The following CMIP variants were observed in gnomAD, a reference collection of about 807,000 sequenced individuals.
CMIP encodes the protein c-Maf inducing protein.
CMIP carries 13 observed loss-of-function variants against 97.3 expected under a neutral mutation model. The observed-to-expected ratio is 0.13, with a 90% CI of 0.09 to 0.21. The LOEUF (loss-of-function observed/expected upper bound fraction) is 0.21, where lower values mean the gene tolerates loss of function less well. Among genes scored for constraint, CMIP ranks in the 10% least tolerant of loss-of-function variants. The probability of loss-of-function intolerance (pLI) is 1.00; values close to 1 mark genes in which losing one functional copy is unlikely to be tolerated. For synonymous variants in CMIP, 538 were observed against 436.3 expected (o/e 1.23, Z -2.91); for missense variants, 847 against 1,024.9 (o/e 0.83, Z 2.37).
intron 1 of CMIP, among the ~76,000 whole-genome samples, chr16:81,554,964 A>T (rs2090732639): frequency 6.6e-6 from 1 of 152,080 alleles, no homozygotes; most frequent in Non-Finnish European, 1.5e-5. Flanking sequence ...GCCCCCCAGA[A>T]GGGGGGGTTT....
chr16:81,577,034 C>A (rs1345895242), intron 1 of CMIP, among the ~76,000 whole-genome samples: 2 of 140,768 alleles, frequency 1.4e-5, no homozygotes, highest in East Asian at 2.0e-4. Context: ...ATCACCATCA[C>A]CATCATCACC....
chr16:81,548,931 C>A (rs1567572989), intron 1 of CMIP, among the ~76,000 whole-genome samples: 1 of 152,226 alleles, frequency 6.6e-6, no homozygotes, highest in Non-Finnish European at 1.5e-5. Flanking sequence ...CACATTGACT[C>A]CTTCATTCTC....
chr16:81,471,872 C>T (rs1907580516), intron 1 of CMIP, among the ~76,000 whole-genome samples: 1 of 152,182 alleles, frequency 6.6e-6, no homozygotes, highest in African/African-American at 2.4e-5. Flanking sequence ...GACTCACGTC[C>T]TGGACAAGAT....
chr16:81,523,660 A>G (rs1274964804), intron 1 of CMIP, among the ~76,000 whole-genome samples: 1 of 152,246 alleles, frequency 6.6e-6, no homozygotes, highest in Non-Finnish European at 1.5e-5. Flanking sequence ...ATGGTGGCCT[A>G]GAACGAAGTC....
At chr16:81,636,903 G>C (rs1429814213) in intron 3 of CMIP, among the ~76,000 whole-genome samples, 1 of 147,310 alleles carries the variant, frequency 6.8e-6, no homozygotes, top group Non-Finnish European at 1.5e-5. Flanking sequence ...TGTCAACATA[G>C]ATTATGCATG....
intron 1 of CMIP, among the ~76,000 whole-genome samples, chr16:81,465,427 G>A (rs56191096): frequency 0.16 from 24,298 of 152,156 alleles, 2,095 homozygotes; most frequent in Non-Finnish European, 0.2. Context: ...GATGCACCCC[G>A]TGTCTGACGC....
At chr16:81,689,455 T>C (rs1164369515) in intron 10 of CMIP, among the ~76,000 whole-genome samples, 3 of 152,260 alleles carry the variant, frequency 2.0e-5, no homozygotes, top group Non-Finnish European at 2.9e-5. Flanking sequence ...ATAAATGTCT[T>C]CTTTTGAGAA....
intron 1 of CMIP, among the ~76,000 whole-genome samples, chr16:81,606,431 CA>C (rs1481521065): frequency 1.3e-5 from 2 of 152,158 alleles, no homozygotes; most frequent in Non-Finnish European, 2.9e-5. Flanking sequence ...TTCCTGGAGC[CA>C]AAGTGACAAG....
intron 1 of CMIP, among the ~76,000 whole-genome samples, chr16:81,524,888 G>A (rs1229390225): frequency 2.0e-5 from 3 of 151,458 alleles, no homozygotes; most frequent in African/African-American, 7.3e-5. Context: ...CCACCTCCCA[G>A]GTTCAAGTGA....
chr16:81,674,582 A>C (rs917249496), intron 9 of CMIP, among the ~76,000 whole-genome samples: 1 of 152,142 alleles, frequency 6.6e-6, no homozygotes, highest in Non-Finnish European at 1.5e-5. Flanking sequence ...TAAACACTGC[A>C]GATCAGGGCT....
At chr16:81,468,417 A>AATTG (rs969234395) in intron 1 of CMIP, among the ~76,000 whole-genome samples, 3 of 152,218 alleles carry the variant, frequency 2.0e-5, no homozygotes, top group African/African-American at 7.2e-5. Flanking sequence ...CTTGCGGGTA[A>AATTG]ATTGAGGGCA....
chr16:81,671,521 A>G (rs1380118213), intron 8 of CMIP, among the ~76,000 whole-genome samples: 1 of 152,226 alleles, frequency 6.6e-6, no homozygotes, highest in African/African-American at 2.4e-5. Context: ...AGGTGTTAGG[A>G]ATAATTAATT....
chr16:81,551,087 A>C (rs2090647315), intron 1 of CMIP, among the ~76,000 whole-genome samples: 1 of 143,336 alleles, frequency 7.0e-6, no homozygotes, highest in African/African-American at 2.7e-5. Context: ...GTCCCGTCAC[A>C]CGCACCCCAG....
intron 1 of CMIP, among the ~76,000 whole-genome samples, chr16:81,506,498 A>T (rs1225816415): frequency 6.6e-6 from 1 of 152,254 alleles, no homozygotes; most frequent in Admixed American, 6.5e-5. Context: ...TTGTGGAAAT[A>T]ACATTGGAAA....
At chr16:81,664,845 G>C in intron 7 of CMIP, 1 of 206,440 alleles carries the variant, frequency 4.8e-6, no homozygotes, top group Non-Finnish European at 9.6e-6. Context: ...CCCTTCATAG[G>C]ACGTATAAAA....
intron 3 of CMIP, among the ~76,000 whole-genome samples, chr16:81,646,508 A>G: frequency 6.6e-6 from 1 of 152,240 alleles, no homozygotes; most frequent in East Asian, 1.9e-4. Flanking sequence ...CATACCATAA[A>G]ATTCACCCAC....
At chr16:81,498,909 A>T (rs1446290051) in intron 1 of CMIP, among the ~76,000 whole-genome samples, 1 of 152,112 alleles carries the variant, frequency 6.6e-6, no homozygotes, top group Non-Finnish European at 1.5e-5. Context: ...ACTCACCCAC[A>T]CGTATGCATT....
Position 81,701,562 on chromosome 16 carries a change from G to A in CMIP, c.1756-98G>A, listed in dbSNP as rs1907409742. Reference sequence around the variant, plus strand: ...CGGGGCTGCAGAAAGGGGATAGTGGGGTTGCTGGTTTTCAAAACAAGGCCC... The same window carrying A: ...CGGGGCTGCAGAAAGGGGATAGTGGAGTTGCTGGTTTTCAAAACAAGGCCC... On this transcript the variant is annotated intron_variant, in intron 15 of 20. Transcript: ENST00000537098. 2.6e-6 allele frequency: 4 copies of A among 1,536,520 alleles called. No homozygotes were observed. In the South Asian group the frequency reaches 4.6e-5, roughly 18 times the overall value.
rs542040937 is a variant in CMIP at position 81,675,084 on chromosome 16, T to C, written c.1034+3014T>C. Among the ~76,000 whole-genome samples, 3 of 152,286 alleles carry C rather than the reference T, an allele frequency of 2.0e-5. No homozygotes were observed. The South Asian group carries it at 6.2e-4, about 32-fold the overall frequency. On this transcript the variant is annotated intron_variant, in intron 9 of 20. Coordinates refer to ENST00000537098, the MANE Select transcript of CMIP (RefSeq NM_198390.3). ...GAGCGTTGGGGAGGTGATATTTACG[T>C]TAATACCTCCTGGCTGTTCTCCAGG...
Sources: gnomAD v4.1 joint callset for allele counts (sites outside exome capture counted in the v4.1 genomes callset) on GRCh38, gnomAD v4.1.1 for gene constraint, MANE v1.5 for transcripts, NCBI Gene and HGNC (gene_info 2026-07-23, HGNC 2026-07-21) for gene names.